The following P4HA3 variants were observed in gnomAD, a reference collection of about 807,000 sequenced individuals.
P4HA3 encodes the protein prolyl 4-hydroxylase subunit alpha 3.
P4HA3 carries 60 observed loss-of-function variants against 66.7 expected under a neutral mutation model. The observed-to-expected ratio is 0.90, with a 90% confidence interval of 0.73 to 1.12. The LOEUF (loss-of-function observed/expected upper bound fraction) is 1.12. Among genes scored for constraint, P4HA3 ranks in the 50% most tolerant of loss-of-function variants. P4HA3 has a pLI of 0.00. For missense variants in P4HA3, 683 were observed against 685.8 expected, an observed-to-expected ratio of 1.00 and a Z score of 0.05; for synonymous variants, 263 against 274.6, an observed-to-expected ratio of 0.96 and a Z score of 0.42.
chr11:74,302,937 C>CTCTTTTCTT (rs896894639), intron 2 of P4HA3, among the ~76,000 whole-genome samples: 1 of 149,034 alleles, frequency 6.7e-6, no homozygotes, highest in Admixed American at 6.7e-5. Context: ...CTCTTCTCTC[C>CTCTTTTCTT]TCTTTTCTTT....
chr11:74,266,901 A>C lies in P4HA3; in HGVS notation c.*347T>G. 1 of 1,034,622 alleles carries C rather than the reference A, an allele frequency of 9.7e-7. No homozygotes were observed. The highest frequency in any genetic ancestry group is 1.4e-6 in the Non-Finnish European group (1 of 735,862). 64.1% of individuals were successfully genotyped at this position (1,034,622 alleles called of 1,614,324 possible). On this transcript the variant is annotated 3_prime_UTR_variant, in exon 13 of 13. Transcript: ENST00000331597. ...TGCCACTTCTTGGTCCCTGTGGTCA[A>C]GGTTCAAAGTGCCAAAAGACCCACT...
rs1053706332 is a variant in P4HA3 at position 74,273,599 on chromosome 11, G to A, written c.1344C>T (p.Ser448=). The A allele has an allele frequency of 6.4e-7, 1 of 1,559,056 alleles. No homozygotes were observed. The highest frequency in any genetic ancestry group is 1.2e-5 in the South Asian group (1 of 80,670). The change falls in exon 10 of 13, where the codon AGC becomes AGT. Residue 448 remains serine (S), a synonymous_variant. Coordinates refer to ENST00000331597, the MANE Select transcript of P4HA3 (RefSeq NM_182904.5). The part of the protein sequence containing the change: ...EPHFDHATSP[S]SPLYRMKSGN... ...CTGACTTCATTCTGTAGAGGGGGCT[G>A]CTTGGTGACTGAGAAAAAAAAAAAC...
rs200531037 is a variant in P4HA3, at chr11:74,253,493, G to A, written c.*1319-5492C>T. ...CCTTCTCTTTCTGTTCTTCCACAGT[G>A]TGTTTCCTGGCTGTTAGTGACCTGC... On this transcript the variant is annotated intron_variant and NMD_transcript_variant, in intron 15 of 15. Transcript: ENST00000524388. 27 of 1,607,626 alleles carry A rather than the reference G, an allele frequency of 1.7e-5. No homozygotes were observed. In the African/African-American group the frequency reaches 3.3e-4, roughly 20 times the overall value.
intron 5 of P4HA3, among the ~76,000 whole-genome samples, chr11:74,287,834 T>C (rs1860851652): frequency 6.6e-6 from 1 of 152,120 alleles, no homozygotes. Context: ...CTGGCCAACA[T>C]GGCAGAACCC....
rs146512257 is a variant in P4HA3 at position 74,269,779 on chromosome 11, A to G, written c.1399-59T>C. 24 of 1,512,722 alleles carry G rather than the reference A, an allele frequency of 1.6e-5. No homozygotes were observed. In the East Asian group the frequency reaches 5.4e-4, roughly 34 times the overall value. The allele number at this position is 1,512,722 out of a possible 1,614,324, so 93.7% of individuals were successfully genotyped here. ...CTGCCACCGACTTCCCTACCCTGTC[A>G]TATGATGTCACATCTGCATAGATTC... On this transcript the variant is annotated intron_variant, in intron 10 of 12. Transcript: ENST00000331597.
chr11:74,306,920 C>T (rs61902375), intron 1 of P4HA3, among the ~76,000 whole-genome samples: 9,788 of 152,196 alleles, frequency 0.064, 526 homozygotes, highest in Non-Finnish European at 0.083. Flanking sequence ...TGAAATGAAA[C>T]CAGCCTCCAG....
chr11:74,274,472 ATTTTTTTTT>A (rs575693268), intron 9 of P4HA3, among the ~76,000 whole-genome samples: 1 of 140,530 alleles, frequency 7.1e-6, no homozygotes, highest in African/African-American at 2.6e-5. Flanking sequence ...TGCCCAGCTA[ATTTTTTTTT>A]TTTTTGTATT....
chr11:74,289,100 A>G lies in P4HA3; in HGVS notation c.748T>C (p.Ser250Pro). The change falls in exon 5 of 13, where the codon TCT becomes CCT. Residue 250 changes from serine to proline, a missense_variant. Coordinates refer to ENST00000331597, the MANE Select transcript of P4HA3 (RefSeq NM_182904.5). The stretch of plus-strand genomic sequence containing the variant: ...GTACTGTAGAGAAGAAACTCCCGAG[A>G]GAGGCTGAGGGCACACGAAACATTT... ...AGNVSCALSLSREFLLYSPDN... is the reference protein window; with the variant it reads ...AGNVSCALSLPREFLLYSPDN... 6.3e-7 allele frequency: 1 copy of G among 1,585,532 alleles called. No individual in the cohort carries two copies. The highest frequency in any genetic ancestry group is 8.6e-7 in the Non-Finnish European group (1 of 1,167,452).
At chr11:74,254,912 C>T (rs1022558028) in intron 15 of P4HA3, among the ~76,000 whole-genome samples, 2 of 152,112 alleles carry the variant, frequency 1.3e-5, no homozygotes, top group African/African-American at 4.8e-5. Flanking sequence ...ATTCCAGTCC[C>T]ATCTCTCCTA....
intron 4 of P4HA3, 121 bp from the exon 5 acceptor site, chr11:74,289,251 G>A (rs1860919876): frequency 2.2e-6 from 2 of 889,356 alleles, no homozygotes; most frequent in South Asian, 6.1e-5. Flanking sequence ...AGATAATAAG[G>A]CTCACTGAAA....
intron 1 of P4HA3, among the ~76,000 whole-genome samples, chr11:74,309,802 C>G (rs1861675384): frequency 6.6e-6 from 1 of 152,174 alleles, no homozygotes; most frequent in Non-Finnish European, 1.5e-5. Context: ...TATACGCAAG[C>G]CACATACTTA....
At chr11:74,252,817 A>T (rs1239559109) in intron 15 of P4HA3, among the ~76,000 whole-genome samples, 2 of 152,172 alleles carry the variant, frequency 1.3e-5, no homozygotes, top group East Asian at 3.9e-4. Context: ...GTAGCTCTTC[A>T]TCTGTTTAGG....
intron 1 of P4HA3, among the ~76,000 whole-genome samples, chr11:74,306,531 T>C (rs1461585816): frequency 6.6e-6 from 1 of 152,112 alleles, no homozygotes; most frequent in Non-Finnish European, 1.5e-5. Context: ...AAAAAAAGTT[T>C]GTGCAAAGTG....
intron 10 of P4HA3, among the ~76,000 whole-genome samples, chr11:74,271,784 A>T (rs1282325081): frequency 6.6e-6 from 1 of 152,188 alleles, no homozygotes; most frequent in Non-Finnish European, 1.5e-5. Flanking sequence ...CACAAACCTT[A>T]ACATTTGTCT....
chr11:74,293,912 A>C (rs1480396902), intron 4 of P4HA3, among the ~76,000 whole-genome samples: 1 of 151,984 alleles, frequency 6.6e-6, no homozygotes, highest in Non-Finnish European at 1.5e-5. Flanking sequence ...GGTGAATCTG[A>C]CAATTATGTG....
intron 15 of P4HA3, among the ~76,000 whole-genome samples, chr11:74,257,454 G>A (rs1186023096): frequency 6.6e-6 from 1 of 152,106 alleles, no homozygotes; most frequent in Non-Finnish European, 1.5e-5. Context: ...GAGCCTTGAA[G>A]TATCACAAAG....
chr11:74,275,297 A>T (rs1442496761), intron 9 of P4HA3, among the ~76,000 whole-genome samples: 1 of 152,138 alleles, frequency 6.6e-6, no homozygotes. Flanking sequence ...TTCTTCTAGA[A>T]GTTTTATAGT....
At chr11:74,252,103 C>CTT (rs60650207) in intron 15 of P4HA3, among the ~76,000 whole-genome samples, 1,210 of 117,004 alleles carry the variant, frequency 0.01, 29 homozygotes, top group African/African-American at 0.039. Context: ...TGGAGCAGGG[C>CTT]TTTTTTTTTT....
chr11:74,286,818 G>GT (rs1860817653), intron 5 of P4HA3, among the ~76,000 whole-genome samples: 1 of 152,154 alleles, frequency 6.6e-6, no homozygotes, highest in African/African-American at 2.4e-5. Context: ...ACCTCTCAGA[G>GT]TTTAGAGTCT....
Sources: allele counts gnomAD v4.1 joint callset (sites outside exome capture counted in the v4.1 genomes callset), GRCh38; gene constraint gnomAD v4.1.1; transcripts MANE v1.5; gene names NCBI Gene and HGNC (gene_info 2026-07-23, HGNC 2026-07-21).